ENPP2: variants seen among roughly 807,000 people sequenced by gnomAD.
ENPP2 encodes the protein autotaxin.
ENPP2 carries 51 observed loss-of-function variants against 120.2 expected under a neutral mutation model. That is an observed-to-expected ratio of 0.42 (90% CI 0.34 to 0.54). The LOEUF (loss-of-function observed/expected upper bound fraction) is 0.54. ENPP2 is among the 20% of genes least tolerant of loss of function. The pLI, the probability that ENPP2 is intolerant of heterozygous loss-of-function variation, is 0.04. For missense variants in ENPP2, 920 were observed against 1,066.5 expected (o/e 0.86, Z 1.91); for synonymous variants, 365 against 366.4 (o/e 1.00, Z 0.04).
At chr8:119,599,863 C>T (rs147199140) in intron 11 of ENPP2, among the ~76,000 whole-genome samples, 3,017 of 152,054 alleles carry the variant, frequency 0.02, 97 homozygotes, top group African/African-American at 0.068. Context: ...AAAAATTAGC[C>T]GAGCATGGTG....
At chr8:119,644,648 A>T (rs1817388785) in intron 1 of ENPP2, among the ~76,000 whole-genome samples, 1 of 112,862 alleles carries the variant, frequency 8.9e-6, no homozygotes, top group Non-Finnish European at 1.8e-5. Flanking sequence ...ACACACACAC[A>T]TATAGATATA....
intron 1 of ENPP2, among the ~76,000 whole-genome samples, chr8:119,661,486 T>C (rs538503657): frequency 6.6e-6 from 1 of 152,238 alleles, no homozygotes; most frequent in East Asian, 1.9e-4. Context: ...TGTTAGAATA[T>C]CTGCTATCAA....
At position 119,592,897 on chromosome 8, in the gene ENPP2, A is replaced by G. The variant is rs866245683; in HGVS notation, c.1081+855T>C. The G allele has an allele frequency of 9.0e-5, 41 of 455,534 alleles. No homozygotes were observed. The African/African-American group carries it at 9.3e-4, about 10-fold the overall frequency. 28.2% of individuals were successfully genotyped at this position (455,534 alleles called of 1,614,324 possible). ...TCTAGGACATTCTGGAAAGACCTTC[A>G]GGACCAGAGCTAGGGAGATTTGCCT... On this transcript the variant is annotated intron_variant, in intron 12 of 24. Coordinates refer to ENST00000075322, the MANE Select transcript of ENPP2 (RefSeq NM_001040092.3).
chr8:119,631,980 G>T (rs908144682), intron 2 of ENPP2, among the ~76,000 whole-genome samples: 8 of 152,110 alleles, frequency 5.3e-5, no homozygotes, highest in African/African-American at 2.4e-5. Context: ...TCATTTCCAG[G>T]CTCGCCCAAG....
intron 8 of ENPP2, among the ~76,000 whole-genome samples, chr8:119,610,423 G>A (rs960123218): frequency 2.0e-5 from 3 of 151,960 alleles, no homozygotes; most frequent in African/African-American, 7.3e-5. Context: ...TTTCCCAAGG[G>A]GGGGAAAAAG....
At chr8:119,627,272 A>T (rs1215043529) in intron 2 of ENPP2, among the ~76,000 whole-genome samples, 1 of 152,202 alleles carries the variant, frequency 6.6e-6, no homozygotes, top group Non-Finnish European at 1.5e-5. Flanking sequence ...TTACAAATAC[A>T]AGCTCTATAA....
chr8:119,646,661 T>A (rs182137330), intron 1 of ENPP2, among the ~76,000 whole-genome samples: 217 of 152,322 alleles, frequency 1.4e-3, no homozygotes, highest in African/African-American at 5.1e-3. Context: ...TCTGTTTCCA[T>A]CTCATAGGAT....
chr8:119,567,502 T>C (rs1369376178), intron 22 of ENPP2, among the ~76,000 whole-genome samples: 1 of 152,188 alleles, frequency 6.6e-6, no homozygotes, highest in East Asian at 1.9e-4. Context: ...GAGCTCATTG[T>C]GCCTATACAA....
chr8:119,563,435 T>C (rs1439754046), intron 23 of ENPP2, among the ~76,000 whole-genome samples: 15 of 152,174 alleles, frequency 9.9e-5, no homozygotes, highest in Non-Finnish European at 1.5e-5. Context: ...GTGTCATTCA[T>C]TATTAGTTCC....
At position 119,570,825 on chromosome 8, in the gene ENPP2, A is replaced by G. The variant is rs565824214; in HGVS notation, c.1797T>C (p.Tyr599=). Residue 599 remains tyrosine (Y), a synonymous_variant, in exon 20 of 25, where the codon TAT becomes TAC. Transcript: ENST00000075322. ...KGSTEERHLL[Y]GRPAVLYRTR... ...TCCGATAAAGCACTGCAGGTCGCCC[A>G]TAGAGGAGGTGTCTCTCTAAAAAAG... 5.7e-5 allele frequency: 89 copies of G among 1,561,494 alleles called. No individual in the cohort carries two copies. In the East Asian group the frequency reaches 2.0e-3, roughly 35 times the overall value.
intron 6 of ENPP2, 72 bp from the exon 7 acceptor site, chr8:119,617,315 AC>A (rs3217556): frequency 0.051 from 64,696 of 1,274,906 alleles, 2,286 homozygotes; most frequent in Admixed American, 0.13. Context: ...CATTTTATAA[AC>A]ACTCAGACAT....
chr8:119,645,292 C>A (rs1817410268), intron 1 of ENPP2, among the ~76,000 whole-genome samples: 1 of 152,194 alleles, frequency 6.6e-6, no homozygotes, highest in South Asian at 2.1e-4. Context: ...GCTACCTACA[C>A]AACAAGTTCA....
intron 2 of ENPP2, among the ~76,000 whole-genome samples, chr8:119,632,441 C>T (rs1274481800): frequency 6.6e-6 from 1 of 152,148 alleles, no homozygotes; most frequent in Non-Finnish European, 1.5e-5. Flanking sequence ...AATACATATT[C>T]AAATGATGTT....
intron 9 of ENPP2, among the ~76,000 whole-genome samples, chr8:119,605,795 G>A (rs1221017031): frequency 6.6e-6 from 1 of 152,088 alleles, no homozygotes; most frequent in African/African-American, 2.4e-5. Context: ...ATTTGAAGAT[G>A]AGGACATGGA....
intron 5 of ENPP2, among the ~76,000 whole-genome samples, chr8:119,618,984 C>G (rs1815683720): frequency 6.6e-6 from 1 of 152,056 alleles, no homozygotes; most frequent in Admixed American, 6.6e-5. Context: ...GTAAAATCCT[C>G]AGCTGAGGTG....
chr8:119,584,548 A>G (rs556193354), intron 15 of ENPP2, among the ~76,000 whole-genome samples: 17 of 152,338 alleles, frequency 1.1e-4, no homozygotes, highest in African/African-American at 3.8e-4. Flanking sequence ...ATGAATGGAG[A>G]TCTATATTCT....
chr8:119,630,885 T>C (rs1816616102), intron 2 of ENPP2, among the ~76,000 whole-genome samples: 1 of 144,990 alleles, frequency 6.9e-6, no homozygotes, highest in African/African-American at 2.6e-5. Context: ...CTGCTATCTC[T>C]TTTTTTTTTT....
chr8:119,658,233 G>A (rs1231528573), intron 1 of ENPP2, among the ~76,000 whole-genome samples: 1 of 152,174 alleles, frequency 6.6e-6, no homozygotes, highest in Non-Finnish European at 1.5e-5. Context: ...TGTTTGTTAT[G>A]TGGATATTGC....
At chr8:119,630,074 C>A (rs1816555218) in intron 2 of ENPP2, among the ~76,000 whole-genome samples, 1 of 152,024 alleles carries the variant, frequency 6.6e-6, no homozygotes, top group Non-Finnish European at 1.5e-5. Flanking sequence ...CAACCACGCG[C>A]CTTGCTTTCC....
Sources: allele counts gnomAD v4.1 joint callset (sites outside exome capture counted in the v4.1 genomes callset), GRCh38; gene constraint gnomAD v4.1.1; transcripts MANE v1.5; gene names NCBI Gene and HGNC (gene_info 2026-07-23, HGNC 2026-07-21).